EFL1: variants seen among roughly 807,000 people sequenced by gnomAD.
The protein encoded by EFL1 is elongation factor like GTPase 1, also known as elongation factor-like GTPase 1.
EFL1 carries 76 observed loss-of-function variants against 126.7 expected under a neutral mutation model. That is an observed-to-expected ratio of 0.60 (90% CI 0.50 to 0.73). EFL1 has a LOEUF of 0.73. Ranked by LOEUF, EFL1 falls within the 30% of genes least tolerant of loss-of-function variation. The pLI is 0.00. For missense variants in EFL1, 1,128 were observed against 1,343.2 expected, an observed-to-expected ratio of 0.84 and a Z score of 2.50; for synonymous variants, 410 against 448.4, an observed-to-expected ratio of 0.91 and a Z score of 1.08.
At chr15:82,173,192 T>A (rs563283834) in intron 15 of EFL1, among the ~76,000 whole-genome samples, 90 of 151,916 alleles carry the variant, frequency 5.9e-4, no homozygotes, top group Non-Finnish European at 1.1e-3. Flanking sequence ...GGAATCAACA[T>A]AGAAAAAAAA....
intron 15 of EFL1, among the ~76,000 whole-genome samples, chr15:82,209,316 GACACACACACACACACACAC>G (rs57128885): frequency 2.1e-5 from 3 of 146,240 alleles, no homozygotes; most frequent in Non-Finnish European, 4.5e-5. Context: ...CACAGACACA[GACACACACACACACACACAC>G]ACACACACAC....
At chr15:82,221,858 C>G (rs1431695266) in intron 12 of EFL1, among the ~76,000 whole-genome samples, 3 of 152,212 alleles carry the variant, frequency 2.0e-5, no homozygotes, top group African/African-American at 7.2e-5. Context: ...GCAGTTCTCT[C>G]CTCCGGAGCA....
intron 12 of EFL1, among the ~76,000 whole-genome samples, chr15:82,224,308 T>A (rs2038082131): frequency 6.6e-6 from 1 of 152,206 alleles, no homozygotes; most frequent in Admixed American, 6.5e-5. Context: ...AATAAAACTT[T>A]AAAATCTCAT....
At chr15:82,164,724 C>T (rs1019396158) in intron 15 of EFL1, among the ~76,000 whole-genome samples, 15 of 151,852 alleles carry the variant, frequency 9.9e-5, no homozygotes, top group African/African-American at 2.2e-4. Context: ...GGTGAAACCC[C>T]GTCTCTACTA....
intron 15 of EFL1, among the ~76,000 whole-genome samples, chr15:82,206,259 A>G (rs2074523796): frequency 6.6e-6 from 1 of 152,226 alleles, no homozygotes; most frequent in Admixed American, 6.5e-5. Context: ...CATCTATGAT[A>G]AGCAGGAACC....
In EFL1 at chr15:82,210,575, C is replaced by T. The variant is rs546989796; in HGVS notation, c.1750+4142G>A. On this transcript the variant is annotated intron_variant, in intron 15 of 19. Coordinates refer to ENST00000268206, the MANE Select transcript of EFL1 (RefSeq NM_024580.6). ...CTTTGGGCCATCTCAATAGACACCA[C>T]GTGGGGCCAGGTGCAGTGGCTCATG... 3.3e-5 allele frequency among the ~76,000 whole-genome samples: 5 copies of T among 152,110 alleles called. No homozygotes were observed. In the East Asian group the frequency reaches 9.7e-4, roughly 29 times the overall value.
intron 7 of EFL1, among the ~76,000 whole-genome samples, chr15:82,234,070 G>A (rs1321530593): frequency 6.6e-6 from 1 of 152,168 alleles, no homozygotes; most frequent in African/African-American, 2.4e-5. Flanking sequence ...TAAGGGCTAT[G>A]TAAATTACCC....
chr15:82,151,571 T>A lies in EFL1; in HGVS notation c.2883A>T (p.Leu961=), dbSNP rs780082234. 6.2e-7 allele frequency: 1 copy of A among 1,614,072 alleles called. No homozygotes were observed. The highest frequency in any genetic ancestry group is 8.5e-7 in the Non-Finnish European group (1 of 1,180,040). ...GACATGCTTCTTTCATGGTGGCAATTAGCTGTCCTGAGAAAGGTCCATAGC... is the reference window on the plus strand; with the variant it reads ...GACATGCTTCTTTCATGGTGGCAATAAGCTGTCCTGAGAAAGGTCCATAGC... ...TDCYGPFSGQ[L]IATMKEACRY... Residue 961 remains leucine, a synonymous_variant, in exon 18 of 20, where the codon CTA becomes CTT. Coordinates refer to ENST00000268206, the MANE Select transcript of EFL1 (RefSeq NM_024580.6).
At chr15:82,185,901 T>C (rs1218464921) in intron 15 of EFL1, among the ~76,000 whole-genome samples, 1 of 152,204 alleles carries the variant, frequency 6.6e-6, no homozygotes, top group Non-Finnish European at 1.5e-5. Context: ...AATCTCTATG[T>C]TTATTACTTC....
At chr15:82,228,366 T>A in intron 9 of EFL1, 39 bp from the exon 10 acceptor site, 1 of 1,598,718 alleles carries the variant, frequency 6.3e-7, no homozygotes, top group Non-Finnish European at 8.5e-7. Context: ...AAATGTCATA[T>A]GCAGATATAA....
chr15:82,185,312 A>G (rs1304925719), intron 15 of EFL1, among the ~76,000 whole-genome samples: 1 of 152,140 alleles, frequency 6.6e-6, no homozygotes, highest in African/African-American at 2.4e-5. Flanking sequence ...CCATAAACCA[A>G]GATAAAAATC....
chr15:82,190,329 C>T (rs369953088), intron 15 of EFL1, among the ~76,000 whole-genome samples: 81 of 152,266 alleles, frequency 5.3e-4, no homozygotes, highest in African/African-American at 1.9e-3. Flanking sequence ...CAATGCAATG[C>T]CCTCTTAATT....
At chr15:82,256,101 G>A (rs960741428) in intron 3 of EFL1, among the ~76,000 whole-genome samples, 1 of 151,958 alleles carries the variant, frequency 6.6e-6, no homozygotes, top group African/African-American at 2.4e-5. Context: ...ATATCTCATA[G>A]GTTTTGTTGT....
chr15:82,143,363 G>A (rs2073809461), intron 18 of EFL1, among the ~76,000 whole-genome samples: 1 of 152,200 alleles, frequency 6.6e-6, no homozygotes, highest in South Asian at 2.1e-4. Context: ...GACAAGGGTT[G>A]TAAAAGAAAA....
chr15:82,200,060 C>G (rs1469183216), intron 15 of EFL1, among the ~76,000 whole-genome samples: 3 of 152,086 alleles, frequency 2.0e-5, no homozygotes, highest in Non-Finnish European at 2.9e-5. Flanking sequence ...GGTAGTGAAA[C>G]AGCGGGGAAG....
intron 18 of EFL1, among the ~76,000 whole-genome samples, chr15:82,139,758 A>G (rs562279080): frequency 1.3e-5 from 2 of 152,348 alleles, no homozygotes; most frequent in African/African-American, 4.8e-5. Context: ...TCTATTGCAT[A>G]TATTATCCTT....
At position 82,234,409 on chromosome 15, in the gene EFL1, T is replaced by C. The variant is rs1373144803; in HGVS notation, c.732-3438A>G. On this transcript the variant is annotated intron_variant, in intron 7 of 19. Coordinates refer to ENST00000268206, the MANE Select transcript of EFL1 (RefSeq NM_024580.6). ...TGATAATGACAACCCATCAACCATA[T>C]ATGAAAAGTACAAATTCTCAGCAGG... 2.6e-5 allele frequency among the ~76,000 whole-genome samples: 4 copies of C among 152,328 alleles called. No individual in the cohort carries two copies. In the East Asian group the frequency reaches 7.7e-4, roughly 29 times the overall value.
intron 15 of EFL1, among the ~76,000 whole-genome samples, chr15:82,200,184 A>G (rs1379115606): frequency 1.3e-5 from 2 of 152,254 alleles, no homozygotes; most frequent in Non-Finnish European, 1.5e-5. Flanking sequence ...GTCATGCCCT[A>G]GAAAGGCTTA....
At chr15:82,230,437 C>G (rs1284125534) in intron 8 of EFL1, among the ~76,000 whole-genome samples, 2 of 151,964 alleles carry the variant, frequency 1.3e-5, no homozygotes, top group African/African-American at 4.8e-5. Context: ...GCACGATGAC[C>G]AGCATGCAGT....
Sources: allele counts gnomAD v4.1 joint callset (sites outside exome capture counted in the v4.1 genomes callset), GRCh38; gene constraint gnomAD v4.1.1; transcripts MANE v1.5; gene names NCBI Gene and HGNC (gene_info 2026-07-23, HGNC 2026-07-21).